RBM41: variants seen among roughly 807,000 people sequenced by gnomAD.
RBM41 encodes RNA binding motif protein 41, also known as RNA-binding protein 41.
RBM41 carries 14 observed loss-of-function variants against 30.8 expected under a neutral mutation model. The ratio of observed to expected loss-of-function variants is 0.45; its 90% CI spans 0.30 to 0.71. The LOEUF (loss-of-function observed/expected upper bound fraction) is 0.71. Among genes scored for constraint, RBM41 ranks in the 30% least tolerant of loss-of-function variants. RBM41 has a pLI of 0.08. For synonymous variants in RBM41, 120 were observed against 110.1 expected, an observed-to-expected ratio of 1.09 and a Z score of -0.56; for missense variants, 276 against 326.3, an observed-to-expected ratio of 0.85 and a Z score of 1.19.
intron 5 of RBM41, among the ~76,000 whole-genome samples, chrX:107,099,878 T>C (rs1290739907): frequency 8.9e-6 from 1 of 112,281 alleles, no homozygotes; most frequent in Non-Finnish European, 1.9e-5. Context: ...GTGATCATTA[T>C]ACTGTGATTG....
At chrX:107,108,588 A>G (rs1193264516) in intron 5 of RBM41, among the ~76,000 whole-genome samples, 1 of 112,396 alleles carries the variant, frequency 8.9e-6, no homozygotes, top group Admixed American at 9.4e-5. Flanking sequence ...GATTTTTCAC[A>G]AAGATATTAA....
At chrX:107,055,234 T>C in the RBM41 span, among the ~76,000 whole-genome samples, 2 of 112,933 alleles carry the variant, frequency 1.8e-5, no homozygotes, top group Non-Finnish European at 3.7e-5. Context: ...ATTTTGTTTC[T>C]CCATTCATCA....
At chrX:107,095,594 TA>T (rs763118713) in intron 5 of RBM41, among the ~76,000 whole-genome samples, 210 of 93,883 alleles carry the variant, frequency 2.2e-3, no homozygotes, top group South Asian at 6.6e-3. Flanking sequence ...AGACTCCATC[TA>T]AAAAAAAAAA....
At chrX:107,058,285 C>G (rs1342584860), downstream of RBM41, among the ~76,000 whole-genome samples, 1 of 76,146 alleles carries the variant, frequency 1.3e-5, no homozygotes, top group African/African-American at 6.8e-5. Flanking sequence ...AAGAGCAAAA[C>G]TCCGTCTCAA....
chrX:107,113,918 T>A (rs1304510323), intron 4 of RBM41, among the ~76,000 whole-genome samples: 1 of 111,727 alleles, frequency 9.0e-6, no homozygotes, highest in African/African-American at 3.3e-5. Flanking sequence ...GTTCTATATA[T>A]CTAGTTCTGA....
chrX:107,069,536 C>G, intron 6 of RBM41, 134 bp from the exon 7 acceptor site: 1 of 689,678 alleles, frequency 1.4e-6, no homozygotes, highest in East Asian at 3.8e-5. Flanking sequence ...CTCACTGCAA[C>G]CTTGGCCTCC....
chrX:107,101,293 G>A (rs1191817427), intron 5 of RBM41, among the ~76,000 whole-genome samples: 1 of 111,434 alleles, frequency 9.0e-6, no homozygotes, highest in Non-Finnish European at 1.9e-5. Flanking sequence ...TAAAGAGATC[G>A]TTTGCAAAAA....
rs1836244411 is a variant in RBM41 at position 107,067,199 on chromosome X, T to C, written c.*328A>G. ...CGAAGCAGTCTAAGAAAGAATGTTA[T>C]CTCTAGAGACAAATATTGAGGACCC... On this transcript the variant is annotated 3_prime_UTR_variant, in exon 8 of 8. Transcript: ENST00000685964. The C allele has an allele frequency of 1.3e-6, 1 of 775,220 alleles. No individual in the cohort carries two copies. Among genetic ancestry groups the C allele is most frequent in the African/African-American group, 2.3e-5 (1 of 44,368 alleles). 63.9% of individuals were successfully genotyped at this position (775,220 alleles called of 1,213,427 possible). A position where few individuals can be genotyped will look rare whatever the true frequency, so the allele number is the denominator to read the frequency against.
chrX:107,071,987 T>C (rs960907216), intron 6 of RBM41, among the ~76,000 whole-genome samples: 7 of 111,091 alleles, frequency 6.3e-5, no homozygotes, highest in African/African-American at 2.3e-4. Context: ...ATCATCCATG[T>C]AGAAAACGCT....
chrX:107,052,981 G>A, the RBM41 span, among the ~76,000 whole-genome samples: 1 of 112,218 alleles, frequency 8.9e-6, no homozygotes, highest in Non-Finnish European at 1.9e-5. Flanking sequence ...CAAGTCTAAA[G>A]CTCTTCGATT....
chrX:107,106,223 C>T (rs1163692850), intron 5 of RBM41, among the ~76,000 whole-genome samples: 2 of 112,143 alleles, frequency 1.8e-5, no homozygotes, highest in Non-Finnish European at 3.8e-5. Flanking sequence ...TGAACAGACA[C>T]TTCTCAAAAG....
chrX:107,063,948 TTTTC>T lies in RBM41; in HGVS notation c.*3575_*3578del, dbSNP rs1243891193. 5.4e-4 allele frequency among the ~76,000 whole-genome samples: 57 copies of T among 105,508 alleles called. 1 individual carries two copies. The East Asian group carries it at 0.012, about 22-fold the overall frequency. 91.6% of individuals were successfully genotyped at this position (105,508 alleles called of 115,157 possible). A position where few individuals can be genotyped will look rare whatever the true frequency, so the allele number is the denominator to read the frequency against. ...AGTGAGGTTAGTGCTATGGTCTTTC[TTTTC>T]TTTTTTTTTTTTTTTTTGAGATGGA... is the stretch of plus-strand genomic sequence containing the variant. On this transcript the variant is annotated 3_prime_UTR_variant, in exon 8 of 8. Transcript: ENST00000685964.
intron 5 of RBM41, among the ~76,000 whole-genome samples, chrX:107,109,005 T>C (rs774312941): frequency 4.5e-5 from 5 of 111,637 alleles, no homozygotes; most frequent in Non-Finnish European, 7.5e-5. Context: ...TTTAATATAA[T>C]TGAAATTAAG....
In RBM41 at chrX:107,064,042, C is replaced by T. The variant is rs751085672; in HGVS notation, c.*3485G>A. 9.4e-6 allele frequency among the ~76,000 whole-genome samples: 1 copy of T among 105,997 alleles called. No individual in the cohort carries two copies. Among genetic ancestry groups the T allele is most frequent in the Non-Finnish European group, 1.9e-5 (1 of 51,634 alleles). The allele number at this position is 105,997 out of a possible 115,157, so 92.0% of individuals were successfully genotyped here. A position where few individuals can be genotyped will look rare whatever the true frequency, so the allele number is the denominator to read the frequency against. ...TCTTGGCTCACTGCAAGCTCTGCCTCCCAGGTTCACGCCATTCTCCTGCCT... is the reference window on the plus strand; with the variant it reads ...TCTTGGCTCACTGCAAGCTCTGCCTTCCAGGTTCACGCCATTCTCCTGCCT... On this transcript the variant is annotated 3_prime_UTR_variant, in exon 8 of 8. Coordinates refer to ENST00000685964, the MANE Select transcript of RBM41 (RefSeq NM_001324242.2).
intron 6 of RBM41, chrX:107,069,905 G>C (rs6622142): frequency 0.21 from 25,883 of 122,137 alleles, 2,642 homozygotes; most frequent in East Asian, 0.44. Context: ...ACAAGGTCAG[G>C]AGGAACAAGA....
At chrX:107,079,250 T>C (rs898171455) in intron 6 of RBM41, among the ~76,000 whole-genome samples, 6 of 112,374 alleles carry the variant, frequency 5.3e-5, no homozygotes, top group Non-Finnish European at 7.5e-5. Flanking sequence ...CATGAGTTCA[T>C]CCTGATGTCT....
chrX:107,100,592 T>A (rs1374841569), intron 5 of RBM41, among the ~76,000 whole-genome samples: 1 of 109,403 alleles, frequency 9.1e-6, no homozygotes, highest in Non-Finnish European at 1.9e-5. Flanking sequence ...CAGATTAGAG[T>A]CTGACGATAT....
rs962975355 is a variant in RBM41, at chrX:107,078,019, T to C, written c.1000-8617A>G. ...AAGTCCACAGTTTAGATTTCCTTAG[T>C]TTTTACCTAATGTCCTTTTTCTGTT... is the stretch of plus-strand genomic sequence containing the variant. On this transcript the variant is annotated intron_variant, in intron 6 of 7. Coordinates refer to ENST00000685964, the MANE Select transcript of RBM41 (RefSeq NM_001324242.2). 4.5e-5 allele frequency among the ~76,000 whole-genome samples: 5 copies of C among 111,566 alleles called. No homozygotes were observed. The Admixed American group carries it at 4.8e-4, about 11-fold the overall frequency.
chrX:107,102,569 T>A (rs910171232), intron 5 of RBM41, among the ~76,000 whole-genome samples: 1 of 111,159 alleles, frequency 9.0e-6, no homozygotes, highest in African/African-American at 3.3e-5. Flanking sequence ...ATGGTGTAAA[T>A]CTCTTGACAT....
Sources: allele counts gnomAD v4.1 joint callset (sites outside exome capture counted in the v4.1 genomes callset), GRCh38; gene constraint gnomAD v4.1.1; transcripts MANE v1.5; gene names NCBI Gene and HGNC (gene_info 2026-07-23, HGNC 2026-07-21).